The following RASSF3 variants were observed in gnomAD, a reference collection of about 807,000 sequenced individuals.
RASSF3 encodes Ras association domain family member 3.
RASSF3 carries 19 observed loss-of-function variants against 19.9 expected under a neutral mutation model. The observed-to-expected ratio is 0.96, with a 90% CI of 0.67 to 1.40. RASSF3 has a LOEUF of 1.40. Ranked by LOEUF, RASSF3 falls within the 40% of genes most tolerant of loss-of-function variation. The probability of loss-of-function intolerance (pLI) is 0.00; values close to 1 mark genes in which losing one functional copy is unlikely to be tolerated. For synonymous variants in RASSF3, 110 were observed against 104.2 expected (o/e 1.06, Z -0.34); for missense variants, 306 against 289.8 (o/e 1.06, Z -0.41).
chr12:64,575,617 T>G (rs906460813), intron 2 of RASSF3: 11 of 152,238 alleles, frequency 7.2e-5, no homozygotes, highest in African/African-American at 2.4e-4. Flanking sequence ...CATCTCCATA[T>G]AGAAGACTAT....
chr12:64,668,901 C>T (rs535874404), intron 1 of RASSF3, among the ~76,000 whole-genome samples: 1 of 151,892 alleles, frequency 6.6e-6, no homozygotes, highest in African/African-American at 2.4e-5. Context: ...GATCTCCTGA[C>T]CTCGTGATCT....
At chr12:64,528,766 C>A (rs1056114717), upstream of RASSF3, among the ~76,000 whole-genome samples, 3 of 152,174 alleles carry the variant, frequency 2.0e-5, no homozygotes, top group East Asian at 3.9e-4. Flanking sequence ...GCTGAAGAGG[C>A]CCAGCCCTAG....
At chr12:64,688,150 G>C (rs747195045) in intron 2 of RASSF3, 66 bp from the exon 3 acceptor site, 43 of 1,108,640 alleles carry the variant, frequency 3.9e-5, no homozygotes, top group Non-Finnish European at 5.4e-5. Context: ...GTTTTGTTTT[G>C]ATATGCTTCT....
chr12:64,567,717 T>A (rs1324108554), intron 2 of RASSF3, among the ~76,000 whole-genome samples: 5 of 152,226 alleles, frequency 3.3e-5, no homozygotes, highest in African/African-American at 1.2e-4. Flanking sequence ...AACGTCCTGT[T>A]CCCTGATAAG....
chr12:64,593,656 A>T (rs979267716), intron 2 of RASSF3, among the ~76,000 whole-genome samples: 2 of 152,320 alleles, frequency 1.3e-5, no homozygotes, highest in East Asian at 3.9e-4. Context: ...GGATATGAGG[A>T]CACATTATTA....
rs969416325 is a variant in RASSF3, at chr12:64,595,847, A to AAGATGGGGGAGTC, written c.294+54144_294+54145insATGGGGGAGTCAG. On this transcript the variant is annotated intron_variant, in intron 2 of 5. Transcript: ENST00000637125. The stretch of plus-strand genomic sequence containing the variant: ...CTTTCTCTCAATCCCATTCTCCCTC[A>AAGATGGGGGAGTC]AGTCTAGTCATCGAAACTAGAATCT... 1.6e-4 allele frequency among the ~76,000 whole-genome samples: 25 copies of AAGATGGGGGAGTC among 152,276 alleles called. No homozygotes were observed. The East Asian group carries it at 4.6e-3, about 28-fold the overall frequency.
intron 2 of RASSF3, among the ~76,000 whole-genome samples, chr12:64,596,881 C>T (rs190743819): frequency 8.5e-5 from 13 of 152,164 alleles, no homozygotes; most frequent in Admixed American, 3.3e-4. Context: ...AGGCATGTGC[C>T]ACCACACCCG....
chr12:64,527,564 C>T (rs149730996), intron 1 of RASSF3, among the ~76,000 whole-genome samples: 105 of 152,248 alleles, frequency 6.9e-4, no homozygotes, highest in African/African-American at 2.4e-3. Flanking sequence ...AGTACCTTAC[C>T]CCCTTTTTTA....
chr12:64,657,733 C>T lies in RASSF3; in HGVS notation c.112-27054C>T, dbSNP rs1872210884. On this transcript the variant is annotated intron_variant, in intron 1 of 4. Transcript: ENST00000542104. ...GCAGGATAAAACTGTGCCCCCAAGG[C>T]ACTTTTAATCCAGAGGAAGGTTGGC... 2.0e-5 allele frequency among the ~76,000 whole-genome samples: 3 copies of T among 152,224 alleles called. No individual in the cohort carries two copies. In the South Asian group the frequency reaches 6.2e-4, roughly 32 times the overall value.
chr12:64,557,224 C>T (rs997387130), intron 2 of RASSF3, among the ~76,000 whole-genome samples: 4 of 152,124 alleles, frequency 2.6e-5, no homozygotes, highest in African/African-American at 9.7e-5. Flanking sequence ...CAAACTGTCA[C>T]TCCTAAGAGC....
intron 2 of RASSF3, among the ~76,000 whole-genome samples, chr12:64,563,179 T>TA (rs1232306521): frequency 1.3e-5 from 2 of 151,814 alleles, no homozygotes; most frequent in African/African-American, 4.8e-5. Context: ...TTTTATTTTT[T>TA]TTTTGAGATG....
intron 2 of RASSF3, among the ~76,000 whole-genome samples, chr12:64,593,575 C>T (rs1008171651): frequency 6.6e-6 from 1 of 152,030 alleles, no homozygotes; most frequent in Non-Finnish European, 1.5e-5. Context: ...GTTCTTTCAA[C>T]AAATATCTCA....
chr12:64,580,516 A>G (rs775345757), intron 2 of RASSF3, among the ~76,000 whole-genome samples: 8 of 151,332 alleles, frequency 5.3e-5, no homozygotes, highest in Non-Finnish European at 8.8e-5. Flanking sequence ...GTGAGCTATG[A>G]TCATGACACT....
At chr12:64,583,617 G>A (rs191549902) in intron 2 of RASSF3, among the ~76,000 whole-genome samples, 5 of 152,246 alleles carry the variant, frequency 3.3e-5, no homozygotes, top group Admixed American at 6.5e-5. Context: ...GTGAGACTCC[G>A]TCTCAAAAAC....
chr12:64,652,610 T>C (rs968441592), intron 1 of RASSF3, among the ~76,000 whole-genome samples: 2 of 152,200 alleles, frequency 1.3e-5, no homozygotes, highest in African/African-American at 4.8e-5. Flanking sequence ...GAGCACACTC[T>C]GGGAGTGTCC....
intron 2 of RASSF3, among the ~76,000 whole-genome samples, chr12:64,566,306 T>G (rs1230888968): frequency 6.6e-6 from 1 of 152,250 alleles, no homozygotes; most frequent in African/African-American, 2.4e-5. Flanking sequence ...CACCAAGGAA[T>G]GCAAACCATC....
intron 2 of RASSF3, among the ~76,000 whole-genome samples, chr12:64,585,840 A>C (rs1403618032): frequency 2.0e-5 from 3 of 152,034 alleles, no homozygotes; most frequent in African/African-American, 4.8e-5. Flanking sequence ...TCCTGGGCTC[A>C]AGCGATCCTC....
intron 2 of RASSF3, among the ~76,000 whole-genome samples, chr12:64,548,950 G>A (rs945802584): frequency 6.6e-6 from 1 of 152,126 alleles, no homozygotes; most frequent in Non-Finnish European, 1.5e-5. Context: ...TTTCTCAGAG[G>A]ATGTGGACTT....
In RASSF3 at chr12:64,550,830, AAAAG is replaced by A. The variant is rs1271349367; in HGVS notation, c.294+9138_294+9141del. On this transcript the variant is annotated intron_variant, in intron 2 of 5. Coordinates refer to the RASSF3 transcript ENST00000637125. ...AGAGAGACTCCATCTCAAAAAAAAA[AAAAG>A]AAAGAAAGAAAGGAAAAAAAAAAGA... Among the ~76,000 whole-genome samples, 89 of 148,404 alleles carry A rather than the reference AAAAG, an allele frequency of 6.0e-4. 2 individuals are homozygous for A. The Middle Eastern group carries it at 0.01, about 17-fold the overall frequency.
Sources: allele counts gnomAD v4.1 joint callset (sites outside exome capture counted in the v4.1 genomes callset), GRCh38; gene constraint gnomAD v4.1.1; transcripts MANE v1.5; gene names NCBI Gene and HGNC (gene_info 2026-07-23, HGNC 2026-07-21).